Variants in BICC1 observed in about 807,000 individuals in gnomAD.
BICC1 encodes the protein BicC family RNA binding protein 1.
A neutral mutation model predicts 111.0 loss-of-function variants in BICC1; 43 were observed. That is an observed-to-expected ratio of 0.39 (90% CI 0.30 to 0.50). BICC1 has a LOEUF of 0.50. BICC1 is among the 20% of genes least tolerant of loss of function. The probability of loss-of-function intolerance (pLI) is 0.88; values close to 1 mark genes in which losing one functional copy is unlikely to be tolerated. For synonymous variants in BICC1, 467 were observed against 434.4 expected, an observed-to-expected ratio of 1.07 and a Z score of -0.93; for missense variants, 1,091 against 1,203.2, an observed-to-expected ratio of 0.91 and a Z score of 1.38.
At chr10:58,768,206 G>A (rs544343267) in intron 3 of BICC1, among the ~76,000 whole-genome samples, 5 of 152,116 alleles carry the variant, frequency 3.3e-5, no homozygotes, top group Admixed American at 1.3e-4. Context: ...AAAGAGACTC[G>A]TCACACATAA....
intron 2 of BICC1, chr10:58,648,694 G>A (rs1361885834): frequency 1.0e-6 from 1 of 979,082 alleles, no homozygotes; most frequent in East Asian, 1.1e-4. Context: ...TACACTGTTG[G>A]AAATCCTCTC....
intron 20 of BICC1, among the ~76,000 whole-genome samples, chr10:58,824,518 T>A (rs1415914339): frequency 1.3e-5 from 2 of 152,170 alleles, no homozygotes; most frequent in Non-Finnish European, 2.9e-5. Flanking sequence ...GTATTGGTCA[T>A]CCTCCAGAAC....
intron 8 of BICC1, among the ~76,000 whole-genome samples, chr10:58,790,582 C>T (rs980121628): frequency 6.6e-6 from 1 of 152,170 alleles, no homozygotes; most frequent in Non-Finnish European, 1.5e-5. Context: ...AATCCCAGCA[C>T]TTTGGGAGGC....
At chr10:58,768,963 A>G (rs1291174070) in intron 3 of BICC1, among the ~76,000 whole-genome samples, 1 of 152,142 alleles carries the variant, frequency 6.6e-6, no homozygotes, top group Non-Finnish European at 1.5e-5. Flanking sequence ...CAGCCTTAGA[A>G]AAAAGGACAT....
At chr10:58,794,207 G>A (rs919986209) in intron 9 of BICC1, among the ~76,000 whole-genome samples, 4 of 147,004 alleles carry the variant, frequency 2.7e-5, no homozygotes, top group African/African-American at 1.0e-4. Context: ...GTGTGTGTGT[G>A]TGTACATGCC....
chr10:58,572,502 A>G lies in BICC1; in HGVS notation c.191-48353A>G, dbSNP rs548660095. On this transcript the variant is annotated intron_variant, in intron 1 of 20. Coordinates refer to ENST00000373886, the MANE Select transcript of BICC1 (RefSeq NM_001080512.3). ...ATGATCTTGTTGGAAGCCAGATTTA[A>G]GGAGATTGCCTGGAGACTAAAAATA... 6.6e-5 allele frequency among the ~76,000 whole-genome samples: 10 copies of G among 152,282 alleles called. No homozygotes were observed. In the East Asian group the frequency reaches 1.9e-3, roughly 29 times the overall value.
intron 1 of BICC1, among the ~76,000 whole-genome samples, chr10:58,596,617 G>A (rs1208443923): frequency 6.6e-6 from 1 of 152,128 alleles, no homozygotes; most frequent in Admixed American, 6.5e-5. Context: ...AAGTCAAATT[G>A]TCTCTGTTTG....
rs1843446641 is a variant in BICC1 at position 58,556,246 on chromosome 10, A to G, written c.190+42913A>G. Among the ~76,000 whole-genome samples the G allele has an allele frequency of 3.3e-5, 5 of 152,092 alleles. No individual in the cohort carries two copies. In the South Asian group the frequency reaches 1.0e-3, roughly 31 times the overall value. On this transcript the variant is annotated intron_variant, in intron 1 of 20. Transcript: ENST00000373886. ...ATACAAATAGAGAAAGGTAAATTCT[A>G]CTCATTTGCAGCTTCTCAGATATTC...
chr10:58,728,558 C>T (rs1841184860), intron 3 of BICC1, among the ~76,000 whole-genome samples: 1 of 152,234 alleles, frequency 6.6e-6, no homozygotes, highest in Middle Eastern at 3.4e-3. Context: ...TCCAAACTCC[C>T]GTTATAATTG....
intron 3 of BICC1, among the ~76,000 whole-genome samples, chr10:58,732,140 G>C (rs1841318327): frequency 6.6e-6 from 1 of 151,750 alleles, no homozygotes; most frequent in Non-Finnish European, 1.5e-5. Flanking sequence ...TTTAATGTGA[G>C]AGGTGTGTGA....
At chr10:58,648,937 A>G (rs1166082068) in intron 2 of BICC1, among the ~76,000 whole-genome samples, 2 of 152,174 alleles carry the variant, frequency 1.3e-5, no homozygotes, top group Non-Finnish European at 2.9e-5. Context: ...AGTGCTTTGA[A>G]AGATCTGCCA....
chr10:58,619,720 G>T (rs527423260), intron 1 of BICC1, among the ~76,000 whole-genome samples: 23 of 152,268 alleles, frequency 1.5e-4, no homozygotes, highest in African/African-American at 5.5e-4. Context: ...TGATCCGTCT[G>T]CCTCGGCCTC....
At chr10:58,679,992 T>G (rs1345196827) in intron 2 of BICC1, among the ~76,000 whole-genome samples, 1 of 152,192 alleles carries the variant, frequency 6.6e-6, no homozygotes, top group Non-Finnish European at 1.5e-5. Flanking sequence ...TCAACACCCC[T>G]TCATGCTAAA....
intron 3 of BICC1, among the ~76,000 whole-genome samples, chr10:58,757,286 T>A (rs753745808): frequency 6.6e-6 from 1 of 152,218 alleles, no homozygotes; most frequent in African/African-American, 2.4e-5. Flanking sequence ...TTCTCCTCTA[T>A]GAAATAAAGC....
In BICC1 at chr10:58,549,925, G is replaced by A. The variant is rs186117957; in HGVS notation, c.190+36592G>A. The stretch of plus-strand genomic sequence containing the variant: ...CTGGTCTTGAACACCTTTACCTCAG[G>A]TGATCCACCTGCCTCGGCCTCCCAA... On this transcript the variant is annotated intron_variant, in intron 1 of 20. Transcript: ENST00000373886. Among the ~76,000 whole-genome samples, 30 of 151,960 alleles carry A rather than the reference G, an allele frequency of 2.0e-4. 1 individual carries two copies. The highest frequency in any genetic ancestry group is 7.0e-4 in the African/African-American group (29 of 41,410).
chr10:58,542,446 A>T (rs924625428), intron 1 of BICC1, among the ~76,000 whole-genome samples: 10 of 151,886 alleles, frequency 6.6e-5, no homozygotes, highest in African/African-American at 1.5e-4. Flanking sequence ...AAGCTTCATG[A>T]CATTGGGTTT....
chr10:58,778,961 T>A (rs1268268525), intron 3 of BICC1, among the ~76,000 whole-genome samples: 3 of 152,238 alleles, frequency 2.0e-5, no homozygotes, highest in African/African-American at 7.2e-5. Flanking sequence ...TCGTCCTGTT[T>A]GCTCTTTCAA....
At chr10:58,790,169 A>G (rs1406062684) in intron 8 of BICC1, among the ~76,000 whole-genome samples, 1 of 152,180 alleles carries the variant, frequency 6.6e-6, no homozygotes, top group African/African-American at 2.4e-5. Flanking sequence ...TTTAACTTAG[A>G]CTAAACACAG....
At chr10:58,807,219 C>T (rs1281088811) in intron 17 of BICC1, 61 bp downstream of exon 17, 10 of 1,486,094 alleles carry the variant, frequency 6.7e-6, no homozygotes, top group African/African-American at 1.4e-5. Flanking sequence ...AGAGGACAGT[C>T]CTTCCCCCAC....
Sources: gnomAD v4.1 joint callset for allele counts (sites outside exome capture counted in the v4.1 genomes callset) on GRCh38, gnomAD v4.1.1 for gene constraint, MANE v1.5 for transcripts, NCBI Gene and HGNC (gene_info 2026-07-23, HGNC 2026-07-21) for gene names.